HACE1: variants seen among roughly 807,000 people sequenced by gnomAD.
The protein encoded by HACE1 is E3 ubiquitin-protein ligase HACE1.
HACE1 carries 73 observed loss-of-function variants against 118.4 expected under a neutral mutation model. The ratio of observed to expected loss-of-function variants is 0.62; its 90% CI spans 0.51 to 0.75. HACE1 has a LOEUF of 0.75. Among genes scored for constraint, HACE1 ranks in the 30% least tolerant of loss-of-function variants. The probability of loss-of-function intolerance (pLI) is 0.00; values close to 1 mark genes in which losing one functional copy is unlikely to be tolerated. For missense variants in HACE1, 749 were observed against 1,102.2 expected (o/e 0.68, Z 4.54); for synonymous variants, 368 against 374.8 (o/e 0.98, Z 0.21).
intron 7 of HACE1, among the ~76,000 whole-genome samples, chr6:104,807,061 T>C (rs187563098): frequency 2.1e-3 from 316 of 151,176 alleles, no homozygotes; most frequent in African/African-American, 7.4e-3. Flanking sequence ...TCTCACTCTG[T>C]TGCCCAGGCT....
intron 6 of HACE1, 96 bp downstream of exon 6, chr6:104,832,946 C>A: frequency 2.6e-6 from 3 of 1,140,904 alleles, no homozygotes; most frequent in Non-Finnish European, 4.0e-6. Context: ...TGCTATAATG[C>A]TTCATGTTCC....
intron 5 of HACE1, chr6:104,842,430 C>T (rs1449780244): frequency 1.3e-5 from 2 of 152,134 alleles, no homozygotes; most frequent in African/African-American, 2.4e-5. Flanking sequence ...GTGGTGAAAC[C>T]CCGTCTCTAC....
rs538627208 is a variant in HACE1, at chr6:104,791,376, T to A, written c.1074+128A>T. 4 of 793,704 alleles carry A rather than the reference T, an allele frequency of 5.0e-6. No individual in the cohort carries two copies. The East Asian group carries it at 7.4e-5, about 15-fold the overall frequency. 49.2% of individuals were successfully genotyped at this position (793,704 alleles called of 1,614,324 possible). A position where few individuals can be genotyped will look rare whatever the true frequency, so the allele number is the denominator to read the frequency against. On this transcript the variant is annotated intron_variant, in intron 11 of 23. Coordinates refer to ENST00000262903, the MANE Select transcript of HACE1 (RefSeq NM_020771.4). ...TGAGAGGAGAAAGGTGTGCCTAATT[T>A]TGAAAGTGATATGGGTATAAACCAA...
At chr6:104,765,188 T>A (rs1326012555) in intron 19 of HACE1, among the ~76,000 whole-genome samples, 1 of 152,208 alleles carries the variant, frequency 6.6e-6, no homozygotes, top group African/African-American at 2.4e-5. Context: ...AGAGCAGTTG[T>A]TAGGGAATAA....
chr6:104,792,165 T>C (rs75997624), intron 10 of HACE1, among the ~76,000 whole-genome samples: 3,844 of 152,296 alleles, frequency 0.025, 185 homozygotes, highest in African/African-American at 0.089. Context: ...TATTCACATA[T>C]AGAACATTCA....
At chr6:104,760,780 T>C (rs1245737546) in intron 19 of HACE1, among the ~76,000 whole-genome samples, 2 of 152,198 alleles carry the variant, frequency 1.3e-5, no homozygotes, top group African/African-American at 4.8e-5. Flanking sequence ...GATGGCATGA[T>C]TGTGTATTTA....
At chr6:104,746,453 C>G (rs756092826) in intron 20 of HACE1, among the ~76,000 whole-genome samples, 25 of 152,160 alleles carry the variant, frequency 1.6e-4, no homozygotes, top group Non-Finnish European at 3.2e-4. Flanking sequence ...GGGTTTGGAG[C>G]CTGGGAAACA....
Position 104,796,153 on chromosome 6 carries a change from G to C in HACE1, c.817-468C>G, listed in dbSNP as rs1430204086. Among the ~76,000 whole-genome samples the C allele has an allele frequency of 2.0e-5, 3 of 152,006 alleles. 1 individual carries two copies. Among genetic ancestry groups the C allele is most frequent in the East Asian group, 1.9e-4 (1 of 5,194 alleles). ...GAGCATCACTGTATCGCCCAGGCTA[G>C]AGTGTAGTGGGCAGTGACATGATCT... On this transcript the variant is annotated intron_variant, in intron 9 of 23. Transcript: ENST00000262903.
rs1783421433 is a variant in HACE1, at chr6:104,794,698, G to A, written c.923+881C>T. ...ATGAGCGGATTGCCAGAGCTCAGGA[G>A]TTCAAGACCAGCCTGGGCAACATGG... On this transcript the variant is annotated intron_variant, in intron 10 of 23. Transcript: ENST00000262903. Among the ~76,000 whole-genome samples, 6 of 152,330 alleles carry A rather than the reference G, an allele frequency of 3.9e-5. No individual in the cohort carries two copies. In the South Asian group the frequency reaches 1.2e-3, roughly 32 times the overall value.
intron 5 of HACE1, among the ~76,000 whole-genome samples, chr6:104,838,916 A>AT (rs1375604838): frequency 3.0e-5 from 4 of 133,444 alleles, no homozygotes; most frequent in East Asian, 4.5e-4. Flanking sequence ...AAAAAAAAAA[A>AT]TTTTGATTAA....
chr6:104,815,206 G>A (rs1771991472), intron 6 of HACE1, among the ~76,000 whole-genome samples: 1 of 137,654 alleles, frequency 7.3e-6, no homozygotes, highest in South Asian at 2.2e-4. Flanking sequence ...TGACGTCCAG[G>A]CTGAGGTGAT....
chr6:104,834,346 A>G (rs2115101962), intron 5 of HACE1, among the ~76,000 whole-genome samples: 1 of 152,320 alleles, frequency 6.6e-6, no homozygotes, highest in South Asian at 2.1e-4. Flanking sequence ...GCAATGCTAT[A>G]TTCCTTACTT....
At chr6:104,811,427 G>C (rs1215359917) in intron 6 of HACE1, 34 bp from the exon 7 acceptor site, 1 of 1,000,732 alleles carries the variant, frequency 1.0e-6, no homozygotes, top group African/African-American at 1.6e-5. Context: ...AGTAAAGCCA[G>C]AGGAATCAAA....
At chr6:104,817,172 T>C (rs113204852) in intron 6 of HACE1, among the ~76,000 whole-genome samples, 4,182 of 152,242 alleles carry the variant, frequency 0.027, 94 homozygotes, top group Non-Finnish European at 0.045. Flanking sequence ...GAAGGGATAA[T>C]TGTATTTTCC....
chr6:104,829,878 T>C (rs1264276275), intron 6 of HACE1, among the ~76,000 whole-genome samples: 5 of 152,178 alleles, frequency 3.3e-5, no homozygotes, highest in Non-Finnish European at 5.9e-5. Flanking sequence ...TTTACCACAC[T>C]TGCTTTAGGT....
At chr6:104,788,096 T>C (rs1782633284) in intron 11 of HACE1, among the ~76,000 whole-genome samples, 2 of 152,224 alleles carry the variant, frequency 1.3e-5, no homozygotes. Flanking sequence ...TTTCTAACTA[T>C]GGTAGCAGCC....
At chr6:104,835,677 A>G (rs1275388874) in intron 5 of HACE1, among the ~76,000 whole-genome samples, 1 of 152,194 alleles carries the variant, frequency 6.6e-6, no homozygotes, top group Admixed American at 6.5e-5. Context: ...ATTTATGAAT[A>G]TTTCTCATAA....
rs202115117 is a variant in HACE1, at chr6:104,784,527, T to C, written c.1410-42A>G. On this transcript the variant is annotated intron_variant, in intron 12 of 23. Transcript: ENST00000262903. The stretch of plus-strand genomic sequence containing the variant: ...TCAATCAGAATACACAGGCAAAAGT[T>C]TGTGATATAATATAGCGAACTTGAT... The C allele has an allele frequency of 5.0e-4, 676 of 1,355,520 alleles. No homozygotes were observed. In the African/African-American group the frequency reaches 8.5e-3, roughly 17 times the overall value. The allele number at this position is 1,355,520 out of a possible 1,614,324, so 84.0% of individuals were successfully genotyped here.
intron 6 of HACE1, among the ~76,000 whole-genome samples, chr6:104,831,708 G>A (rs6571213): frequency 0.24 from 36,613 of 151,586 alleles, 4,755 homozygotes; most frequent in African/African-American, 0.34. Flanking sequence ...CCTGGCTAAC[G>A]CAGTGAAACC....
Sources: gnomAD v4.1 joint callset for allele counts (sites outside exome capture counted in the v4.1 genomes callset) on GRCh38, gnomAD v4.1.1 for gene constraint, MANE v1.5 for transcripts, NCBI Gene and HGNC (gene_info 2026-07-23, HGNC 2026-07-21) for gene names.